The following PCDH15 variants were observed in gnomAD, a reference collection of about 807,000 sequenced individuals.
The protein encoded by PCDH15 is protocadherin related 15.
In PCDH15, 129 loss-of-function variants were observed where a neutral mutation model predicts 178.5. The ratio of observed to expected loss-of-function variants is 0.72; its 90% CI spans 0.63 to 0.84. The LOEUF is 0.84. Ranked by LOEUF, PCDH15 falls within the 40% of genes least tolerant of loss-of-function variation. The pLI, the probability that PCDH15 is intolerant of heterozygous loss-of-function variation, is 0.00. For synonymous variants in PCDH15, 800 were observed against 732.0 expected, an observed-to-expected ratio of 1.09 and a Z score of -1.50; for missense variants, 2,230 against 2,099.9, an observed-to-expected ratio of 1.06 and a Z score of -1.21.
At chr10:54,162,346 A>G (rs1244786851) in intron 13 of PCDH15, among the ~76,000 whole-genome samples, 3 of 152,156 alleles carry the variant, frequency 2.0e-5, no homozygotes, top group Admixed American at 6.6e-5. Context: ...CCTCCTATGA[A>G]TGGACAGGTA....
intron 7 of PCDH15, among the ~76,000 whole-genome samples, chr10:54,318,285 A>G (rs1165708331): frequency 6.6e-6 from 1 of 152,214 alleles, no homozygotes; most frequent in East Asian, 1.9e-4. Flanking sequence ...AAGGAAATTT[A>G]TTTTCCTTTG....
intron 2 of PCDH15, among the ~76,000 whole-genome samples, chr10:55,594,366 T>C (rs1203293330): frequency 2.0e-5 from 3 of 151,956 alleles, no homozygotes; most frequent in Non-Finnish European, 2.9e-5. Flanking sequence ...TTTTTGAGGT[T>C]AAACTTCAAG....
intron 2 of PCDH15, among the ~76,000 whole-genome samples, chr10:55,336,140 A>G (rs1291475844): frequency 6.7e-6 from 1 of 149,948 alleles, no homozygotes. Flanking sequence ...AAAAAAAAAA[A>G]AAAAAAAAAA....
intron 5 of PCDH15, among the ~76,000 whole-genome samples, chr10:54,366,343 A>G (rs1946788104): frequency 1.3e-5 from 2 of 152,106 alleles, no homozygotes; most frequent in Non-Finnish European, 1.5e-5. Context: ...GATCTTTCTT[A>G]ATTGCATAAA....
At chr10:54,681,088 G>A (rs1199847649) in intron 1 of PCDH15, among the ~76,000 whole-genome samples, 4 of 152,118 alleles carry the variant, frequency 2.6e-5, no homozygotes, top group Admixed American at 6.6e-5. Context: ...AAATAGGCCA[G>A]ATTAATAAGA....
intron 3 of PCDH15, among the ~76,000 whole-genome samples, chr10:54,863,202 T>C (rs1335181637): frequency 6.6e-6 from 1 of 152,168 alleles, no homozygotes; most frequent in Non-Finnish European, 1.5e-5. Flanking sequence ...GATTAACAGC[T>C]AGCTTTGAAA....
At position 54,425,039 on chromosome 10, in the gene PCDH15, C is replaced by T. The variant is rs375959850; in HGVS notation, c.158-46097G>A. Among the ~76,000 whole-genome samples, 77 of 150,852 alleles carry T rather than the reference C, an allele frequency of 5.1e-4. 1 individual carries two copies. In the East Asian group the frequency reaches 6.2e-3, roughly 12 times the overall value. ...AAAAAAAAAAAGAAAAGAAAATGTG[C>T]TTTTTCAACAGGTAGGTTGAAAATG... On this transcript the variant is annotated intron_variant, in intron 3 of 37. Transcript: ENST00000644397.
intron 3 of PCDH15, among the ~76,000 whole-genome samples, chr10:54,442,381 CT>C (rs1164525697): frequency 3.7e-4 from 8 of 21,520 alleles, no homozygotes; most frequent in Admixed American, 1.3e-3. Context: ...GGACAGTCTC[CT>C]TTTTTTTTAA....
At chr10:55,544,941 A>T (rs1291438947) in intron 2 of PCDH15, among the ~76,000 whole-genome samples, 2 of 152,176 alleles carry the variant, frequency 1.3e-5, no homozygotes, top group Non-Finnish European at 2.9e-5. Flanking sequence ...CAGCACATGC[A>T]TCAACAAACC....
At chr10:54,737,534 T>C (rs1181044739) in intron 1 of PCDH15, among the ~76,000 whole-genome samples, 2 of 152,070 alleles carry the variant, frequency 1.3e-5, no homozygotes, top group Non-Finnish European at 2.9e-5. Flanking sequence ...TAACTACTAG[T>C]GTAAGTACAA....
At chr10:54,839,608 T>G (rs1191045385) in intron 3 of PCDH15, among the ~76,000 whole-genome samples, 5 of 152,082 alleles carry the variant, frequency 3.3e-5, no homozygotes, top group Non-Finnish European at 7.4e-5. Flanking sequence ...AAATAATGAC[T>G]GATAACATCC....
chr10:55,300,211 T>A (rs543903314), intron 1 of PCDH15, among the ~76,000 whole-genome samples: 99 of 152,260 alleles, frequency 6.5e-4, no homozygotes, highest in Non-Finnish European at 1.2e-3. Flanking sequence ...AAATCCAAAT[T>A]TAACCTACTA....
At chr10:55,189,804 T>C (rs533685535) in intron 1 of PCDH15, among the ~76,000 whole-genome samples, 1 of 151,988 alleles carries the variant, frequency 6.6e-6, no homozygotes, top group South Asian at 2.1e-4. Context: ...GGAGTTCTTA[T>C]ACATTAATGA....
rs1245914240 is a variant in PCDH15, at chr10:54,528,474, A to G, written c.92-597T>C. On this transcript the variant is annotated intron_variant, in intron 2 of 37. Coordinates refer to ENST00000644397, the MANE Select transcript of PCDH15 (RefSeq NM_001384140.1). The stretch of plus-strand genomic sequence containing the variant: ...TGGAAGAAAGAAAGGAAGAGAGAAT[A>G]TATGTATATATTTAGTGAGAGATTT... 4 of 1,167,318 alleles carry G rather than the reference A, an allele frequency of 3.4e-6. No individual in the cohort carries two copies. The African/African-American group carries it at 4.6e-5, about 14-fold the overall frequency. The allele number at this position is 1,167,318 out of a possible 1,614,324, so 72.3% of individuals were successfully genotyped here.
In PCDH15 at chr10:55,039,718, G is replaced by A. The variant is rs576140055; in HGVS notation, c.-80+126858C>T. ...AGGAGAATGTAAAAGTGGCAAGTGT[G>A]GAGAAACTAGTGAAAAAGAGAAATC... On this transcript the variant is annotated intron_variant, in intron 2 of 5. Coordinates refer to the PCDH15 transcript ENST00000458638. 6.6e-5 allele frequency among the ~76,000 whole-genome samples: 10 copies of A among 152,240 alleles called. No homozygotes were observed. The East Asian group carries it at 1.9e-3, about 29-fold the overall frequency.
At chr10:54,430,763 G>A (rs1400227442) in intron 3 of PCDH15, among the ~76,000 whole-genome samples, 2 of 150,766 alleles carry the variant, frequency 1.3e-5, no homozygotes, top group Non-Finnish European at 3.0e-5. Context: ...AAATAATAAA[G>A]ACAAGAGCAG....
intron 28 of PCDH15, among the ~76,000 whole-genome samples, chr10:53,845,345 T>C (rs2077902918): frequency 6.6e-6 from 1 of 151,774 alleles, no homozygotes; most frequent in South Asian, 2.1e-4. Flanking sequence ...AAAATAGAAC[T>C]ATAACATGAT....
chr10:54,332,280 TA>T (rs1203245144), intron 6 of PCDH15, among the ~76,000 whole-genome samples: 11 of 106,094 alleles, frequency 1.0e-4, no homozygotes, highest in Non-Finnish European at 1.8e-4. Flanking sequence ...ATATATAATA[TA>T]ATATAATCTA....
At chr10:55,206,015 A>G (rs933788023) in intron 1 of PCDH15, among the ~76,000 whole-genome samples, 5 of 151,722 alleles carry the variant, frequency 3.3e-5, no homozygotes, top group Non-Finnish European at 7.4e-5. Context: ...AGAAAGACCC[A>G]CCCCCAAGAT....
Sources: gnomAD v4.1 joint callset for allele counts (sites outside exome capture counted in the v4.1 genomes callset) on GRCh38, gnomAD v4.1.1 for gene constraint, MANE v1.5 for transcripts, NCBI Gene and HGNC (gene_info 2026-07-23, HGNC 2026-07-21) for gene names.